Variants in CPQ observed in about 807,000 individuals in gnomAD.
CPQ encodes carboxypeptidase Q.
Under a neutral mutation model 45.7 loss-of-function variants are expected in CPQ, and 37 were observed. That is an observed-to-expected ratio of 0.81 (90% CI 0.62 to 1.07). The LOEUF is 1.07. CPQ is among the 50% of genes least tolerant of loss of function. The pLI is 0.00. For synonymous variants in CPQ, 186 were observed against 205.8 expected (o/e 0.90, Z 0.82); for missense variants, 537 against 572.9 (o/e 0.94, Z 0.64).
chr8:96,957,111 A>T (rs1813370039), intron 4 of CPQ, among the ~76,000 whole-genome samples: 1 of 152,182 alleles, frequency 6.6e-6, no homozygotes, highest in Non-Finnish European at 1.5e-5. Flanking sequence ...CATCCAAATA[A>T]AAGTTGTTCT....
intron 1 of CPQ, among the ~76,000 whole-genome samples, chr8:96,671,432 T>C (rs1809003231): frequency 6.6e-6 from 1 of 152,190 alleles, no homozygotes; most frequent in African/African-American, 2.4e-5. Context: ...TAAAGTAGCA[T>C]TTGTAATCCT....
At chr8:96,766,057 G>A (rs1303764196) in intron 1 of CPQ, among the ~76,000 whole-genome samples, 1 of 152,108 alleles carries the variant, frequency 6.6e-6, no homozygotes, top group African/African-American at 2.4e-5. Flanking sequence ...TCAAAGAAGC[G>A]GGGGAAATTG....
intron 1 of CPQ, among the ~76,000 whole-genome samples, chr8:96,722,694 A>G (rs1809780625): frequency 6.6e-6 from 1 of 152,202 alleles, no homozygotes; most frequent in Non-Finnish European, 1.5e-5. Flanking sequence ...GGCTTAACAC[A>G]ACACAGATTT....
intron 3 of CPQ, among the ~76,000 whole-genome samples, chr8:96,875,682 A>G (rs190968095): frequency 9.2e-5 from 14 of 152,000 alleles, no homozygotes; most frequent in Non-Finnish European, 1.9e-4. Context: ...GTACCATGCT[A>G]TCTTGGTTAC....
At chr8:96,817,391 G>A (rs553909521) in intron 2 of CPQ, among the ~76,000 whole-genome samples, 2 of 152,154 alleles carry the variant, frequency 1.3e-5, no homozygotes, top group South Asian at 2.1e-4. Context: ...TAGTAAAAAT[G>A]AAAAAGCTTG....
chr8:96,999,034 C>G (rs757730734), intron 5 of CPQ, among the ~76,000 whole-genome samples: 2 of 151,798 alleles, frequency 1.3e-5, no homozygotes, highest in Non-Finnish European at 2.9e-5. Flanking sequence ...CTCACTTAAC[C>G]CTCACAATGT....
At chr8:97,101,550 A>C (rs1811304655) in intron 7 of CPQ, among the ~76,000 whole-genome samples, 1 of 145,820 alleles carries the variant, frequency 6.9e-6, no homozygotes, top group East Asian at 2.0e-4. Flanking sequence ...ATTCTTTCCA[A>C]CTGAGTCTTT....
At chr8:96,802,329 G>A (rs943733920) in intron 2 of CPQ, among the ~76,000 whole-genome samples, 4 of 152,130 alleles carry the variant, frequency 2.6e-5, no homozygotes, top group African/African-American at 9.7e-5. Context: ...TGGAATTATA[G>A]TCACTTGAAT....
At chr8:96,737,263 A>C (rs945688106) in intron 1 of CPQ, among the ~76,000 whole-genome samples, 1 of 148,110 alleles carries the variant, frequency 6.8e-6, no homozygotes, top group Non-Finnish European at 1.5e-5. Flanking sequence ...ACAAAAAAAA[A>C]CTAATAGGAT....
chr8:96,928,327 A>G (rs28398259), intron 4 of CPQ, among the ~76,000 whole-genome samples: 10,676 of 151,262 alleles, frequency 0.071, 704 homozygotes, highest in African/African-American at 0.18. Context: ...AAACGTCAGG[A>G]AATTCATTAT....
chr8:97,006,776 T>TA (rs1049879975), intron 5 of CPQ, among the ~76,000 whole-genome samples: 1 of 152,172 alleles, frequency 6.6e-6, no homozygotes, highest in Non-Finnish European at 1.5e-5. Context: ...GGAACCGACT[T>TA]ATCTGGTCAC....
chr8:96,954,964 A>G (rs994107008), intron 4 of CPQ, among the ~76,000 whole-genome samples: 41 of 152,276 alleles, frequency 2.7e-4, no homozygotes, highest in South Asian at 1.5e-3. Flanking sequence ...TCCATGATGT[A>G]TATGTGCCAC....
At chr8:96,684,986 C>G (rs1263425061) in intron 1 of CPQ, among the ~76,000 whole-genome samples, 1 of 151,890 alleles carries the variant, frequency 6.6e-6, no homozygotes, top group Non-Finnish European at 1.5e-5. Flanking sequence ...TGCCTGTAGT[C>G]CTAGCTACTT....
At chr8:96,898,780 A>T (rs1006661707) in intron 4 of CPQ, among the ~76,000 whole-genome samples, 32 of 150,556 alleles carry the variant, frequency 2.1e-4, no homozygotes, top group Admixed American at 6.0e-4. Flanking sequence ...GTATAATAAA[A>T]AAAAAAAAAA....
chr8:96,875,768 G>C (rs760906371), intron 3 of CPQ, among the ~76,000 whole-genome samples: 3 of 151,434 alleles, frequency 2.0e-5, no homozygotes, highest in Non-Finnish European at 3.0e-5. Flanking sequence ...ATTCTAACTT[G>C]TTTTGTTTAT....
chr8:97,098,768 C>A (rs1811251875), intron 7 of CPQ, among the ~76,000 whole-genome samples: 1 of 152,040 alleles, frequency 6.6e-6, no homozygotes, highest in African/African-American at 2.4e-5. Flanking sequence ...GCAGTAGAAT[C>A]AAATTCCCCT....
chr8:97,113,155 T>C (rs1811525568), intron 7 of CPQ, among the ~76,000 whole-genome samples: 2 of 152,100 alleles, frequency 1.3e-5, no homozygotes, highest in Admixed American at 6.5e-5. Context: ...GAGGCTACCA[T>C]GACAGGGCTT....
chr8:96,970,623 G>T (rs1002945074), intron 5 of CPQ, among the ~76,000 whole-genome samples: 1 of 151,622 alleles, frequency 6.6e-6, no homozygotes. Context: ...GAGTGCAGTG[G>T]TGCGATCTCG....
At chr8:96,893,074 A>G (rs1032848199) in intron 4 of CPQ, among the ~76,000 whole-genome samples, 1 of 152,216 alleles carries the variant, frequency 6.6e-6, no homozygotes, top group Non-Finnish European at 1.5e-5. Flanking sequence ...TGTTATATCC[A>G]TATAACAGAT....
Sources: allele counts gnomAD v4.1 joint callset (sites outside exome capture counted in the v4.1 genomes callset), GRCh38; gene constraint gnomAD v4.1.1; transcripts MANE v1.5; gene names NCBI Gene and HGNC (gene_info 2026-07-23, HGNC 2026-07-21).